BBS9: variants seen among roughly 807,000 people sequenced by gnomAD.
The protein encoded by BBS9 is Bardet-Biedl syndrome 9, also known as protein PTHB1.
A neutral mutation model predicts 117.7 loss-of-function variants in BBS9; 89 were observed. The observed-to-expected ratio is 0.76, with a 90% CI of 0.64 to 0.90. The LOEUF (loss-of-function observed/expected upper bound fraction) is 0.90. BBS9 is among the 40% of genes least tolerant of loss of function. The pLI is 0.00. For missense variants in BBS9, 982 were observed against 1,042.2 expected (o/e 0.94, Z 0.80); for synonymous variants, 379 against 370.9 (o/e 1.02, Z -0.25).
intron 19 of BBS9, among the ~76,000 whole-genome samples, chr7:33,392,263 C>T (rs1827192021): frequency 6.6e-6 from 1 of 152,130 alleles, no homozygotes; most frequent in Non-Finnish European, 1.5e-5. Context: ...TCTGGATTAG[C>T]TTGGTAGTTC....
intron 9 of BBS9, among the ~76,000 whole-genome samples, chr7:33,302,025 T>C (rs1029464843): frequency 1.3e-5 from 2 of 152,174 alleles, no homozygotes; most frequent in Admixed American, 6.5e-5. Flanking sequence ...TCTCTGATGA[T>C]CAGTGATGTT....
chr7:33,189,207 C>T lies in BBS9; in HGVS notation c.442+11616C>T, dbSNP rs142516006. Among the ~76,000 whole-genome samples the T allele has an allele frequency of 3.5e-4, 53 of 151,790 alleles. 1 individual carries two copies. The highest frequency in any genetic ancestry group is 1.8e-3 in the Admixed American group (28 of 15,258). On this transcript the variant is annotated intron_variant, in intron 5 of 22. Transcript: ENST00000242067. ...GGCTATTTGTTTTTTTTTGTAGTGA[C>T]GGGGTTTTGCCATATTGCCCAGGCT...
chr7:33,571,702 G>A lies in BBS9; in HGVS notation c.2522-33163G>A, dbSNP rs138685831. ...TTTGGAATTTGAGATGCCACAGTAA[G>A]GTACACTCAACTTCCATGTGCAATT... On this transcript the variant is annotated intron_variant, in intron 21 of 22. Coordinates refer to ENST00000242067, the MANE Select transcript of BBS9 (RefSeq NM_198428.3). Among the ~76,000 whole-genome samples the A allele has an allele frequency of 1.7e-3, 252 of 152,070 alleles. 2 individuals carry two copies. Among genetic ancestry groups the A allele is most frequent in the African/African-American group, 5.9e-3 (245 of 41,508 alleles).
At chr7:33,168,028 G>A (rs1795963529) in intron 4 of BBS9, among the ~76,000 whole-genome samples, 1 of 152,082 alleles carries the variant, frequency 6.6e-6, no homozygotes, top group South Asian at 2.1e-4. Context: ...ATACAATTTT[G>A]GTACATATAT....
chr7:33,252,809 G>A (rs115726636), intron 5 of BBS9, among the ~76,000 whole-genome samples: 1 of 151,758 alleles, frequency 6.6e-6, no homozygotes, highest in Non-Finnish European at 1.5e-5. Context: ...TATCTTAATA[G>A]AAAATATATC....
At chr7:33,170,741 C>T (rs1187856391) in intron 4 of BBS9, among the ~76,000 whole-genome samples, 1 of 148,192 alleles carries the variant, frequency 6.7e-6, no homozygotes, top group Admixed American at 6.7e-5. Context: ...AGCTGATAAG[C>T]AACTTCAGCA....
rs1220592754 is a variant in BBS9, at chr7:33,257,229, TC to T, written c.443-6del. On this transcript the variant is annotated splice_polypyrimidine_tract_variant and splice_region_variant and intron_variant, in intron 5 of 22. Coordinates refer to ENST00000242067, the MANE Select transcript of BBS9 (RefSeq NM_198428.3). ...AGATTATCTAATTTTCTCTAATTCT[TC>T]TTTAGGTCGAGATTTAATTTGCATC... 6.3e-7 allele frequency: 1 copy of T among 1,596,712 alleles called. No homozygotes were observed. The highest frequency in any genetic ancestry group is 1.7e-5 in the Admixed American group (1 of 59,784).
intron 1 of BBS9, among the ~76,000 whole-genome samples, chr7:33,139,179 G>A (rs188568973): frequency 1.3e-3 from 191 of 151,372 alleles, no homozygotes; most frequent in African/African-American, 4.4e-3. Flanking sequence ...TTGAACCCAG[G>A]AAGTGGAGGT....
At chr7:33,499,142 T>C (rs1020865276) in intron 19 of BBS9, among the ~76,000 whole-genome samples, 1 of 152,200 alleles carries the variant, frequency 6.6e-6, no homozygotes, top group African/African-American at 2.4e-5. Context: ...AGAATCCTAT[T>C]ATGTGTGCAA....
At chr7:33,163,883 T>A (rs555277900) in intron 4 of BBS9, among the ~76,000 whole-genome samples, 1 of 152,286 alleles carries the variant, frequency 6.6e-6, no homozygotes, top group East Asian at 1.9e-4. Flanking sequence ...CTTTTGAATA[T>A]GTTTTCTCTT....
chr7:33,563,887 T>C (rs767578212), intron 21 of BBS9, among the ~76,000 whole-genome samples: 1 of 152,228 alleles, frequency 6.6e-6, no homozygotes, highest in Non-Finnish European at 1.5e-5. Context: ...CAGGCCTTAT[T>C]GCATGATCAG....
At chr7:33,581,875 C>T (rs1451014) in intron 21 of BBS9, among the ~76,000 whole-genome samples, 60,350 of 151,932 alleles carry the variant, frequency 0.4, 16,360 homozygotes, top group African/African-American at 0.77. Context: ...ACTATCAATT[C>T]CTTAATAGAC....
Position 33,604,796 on chromosome 7 carries a change from A to G in BBS9, c.2522-69A>G, listed in dbSNP as rs1864327777. On this transcript the variant is annotated intron_variant, in intron 21 of 22. Transcript: ENST00000242067. ...TTTATGATCAGTGTGTTCCTAAGCTATGATTGCTGTGTAGAGAGGCAGATT... is the reference window on the plus strand; with the variant it reads ...TTTATGATCAGTGTGTTCCTAAGCTGTGATTGCTGTGTAGAGAGGCAGATT... 6.8e-6 allele frequency: 7 copies of G among 1,023,570 alleles called. 1 individual carries two copies. The highest frequency in any genetic ancestry group is 4.0e-5 in the South Asian group (3 of 74,286). 63.4% of individuals were successfully genotyped at this position (1,023,570 alleles called of 1,614,324 possible).
intron 14 of BBS9, chr7:33,352,065 G>C (rs895525692): frequency 6.5e-6 from 1 of 152,724 alleles, no homozygotes; most frequent in East Asian, 1.9e-4. Context: ...ATTTCACCTG[G>C]GACCTTTCCG....
At chr7:33,324,788 A>G (rs1449615216) in intron 9 of BBS9, among the ~76,000 whole-genome samples, 2 of 152,130 alleles carry the variant, frequency 1.3e-5, no homozygotes, top group African/African-American at 4.8e-5. Flanking sequence ...AGTGCTTTAA[A>G]TATATCATGC....
intron 19 of BBS9, among the ~76,000 whole-genome samples, chr7:33,436,009 C>G (rs781330431): frequency 1.3e-5 from 2 of 152,094 alleles, no homozygotes; most frequent in Non-Finnish European, 2.9e-5. Flanking sequence ...TAGCAGCCTT[C>G]CCCAATTCTT....
At chr7:33,337,223 T>A (rs375328841) in intron 10 of BBS9, among the ~76,000 whole-genome samples, 4 of 151,580 alleles carry the variant, frequency 2.6e-5, no homozygotes, top group Non-Finnish European at 4.4e-5. Context: ...AAGGGTATAA[T>A]TTTTTTTTGT....
intron 21 of BBS9, among the ~76,000 whole-genome samples, chr7:33,602,660 C>T (rs1473444089): frequency 6.6e-5 from 10 of 152,024 alleles, no homozygotes; most frequent in Non-Finnish European, 1.2e-4. Flanking sequence ...ACCTGGGAGA[C>T]GGAGGTTGCG....
Position 33,613,056 on chromosome 7 carries a change from A to T in BBS9, c.2522-22121A>T, listed in dbSNP as rs761691950. 4.7e-4 allele frequency among the ~76,000 whole-genome samples: 72 copies of T among 152,110 alleles called. 2 individuals are homozygous for T. The highest frequency in any genetic ancestry group is 2.0e-4 in the Admixed American group (3 of 15,244). ...ACAATAAAACATGGATCTTGTCCTT[A>T]AAGAACTTTCAGTTCAGTGGGGGAA... On this transcript the variant is annotated intron_variant, in intron 21 of 21. Transcript: ENST00000671952.
Sources: allele counts gnomAD v4.1 joint callset (sites outside exome capture counted in the v4.1 genomes callset), GRCh38; gene constraint gnomAD v4.1.1; transcripts MANE v1.5; gene names NCBI Gene and HGNC (gene_info 2026-07-23, HGNC 2026-07-21).